Variants in LSAMP observed in about 807,000 individuals in gnomAD.
LSAMP encodes limbic system-associated membrane protein.
In LSAMP, 7 loss-of-function variants were observed where a neutral mutation model predicts 38.6. The observed-to-expected ratio is 0.18, with a 90% CI of 0.10 to 0.34. LSAMP has a LOEUF of 0.34. Ranked by LOEUF, LSAMP falls within the 10% of genes least tolerant of loss-of-function variation. The probability of loss-of-function intolerance (pLI) is 1.00; values close to 1 mark genes in which losing one functional copy is unlikely to be tolerated. For missense variants in LSAMP, 313 were observed against 420.0 expected (o/e 0.75, Z 2.23); for synonymous variants, 154 against 166.8 (o/e 0.92, Z 0.59).
At chr3:116,153,739 C>G (rs999459505) in intron 1 of LSAMP, among the ~76,000 whole-genome samples, 8 of 152,052 alleles carry the variant, frequency 5.3e-5, no homozygotes, top group African/African-American at 1.2e-4. Flanking sequence ...TTGGCTTTCA[C>G]TTAAGCTTAA....
At chr3:116,349,293 A>G (rs531298216) in intron 1 of LSAMP, among the ~76,000 whole-genome samples, 2 of 152,170 alleles carry the variant, frequency 1.3e-5, no homozygotes, top group East Asian at 3.9e-4. Flanking sequence ...ATATTAGAAT[A>G]ATTAAGTATG....
At chr3:116,286,891 T>TA (rs79705073) in intron 1 of LSAMP, among the ~76,000 whole-genome samples, 6,004 of 133,726 alleles carry the variant, frequency 0.045, 153 homozygotes, top group Middle Eastern at 0.082. Context: ...TCTCTCAAGT[T>TA]AAAAAAAAAA....
At chr3:115,998,713 TA>T (rs1939899632) in intron 3 of LSAMP, among the ~76,000 whole-genome samples, 1 of 152,144 alleles carries the variant, frequency 6.6e-6, no homozygotes, top group East Asian at 1.9e-4. Flanking sequence ...TCGTTTTACT[TA>T]TTAAAAACAT....
At chr3:115,833,713 T>G (rs577902937) in intron 6 of LSAMP, among the ~76,000 whole-genome samples, 13 of 152,284 alleles carry the variant, frequency 8.5e-5, no homozygotes, top group African/African-American at 3.1e-4. Context: ...CTTGCTTAAT[T>G]GGATTTATTT....
chr3:116,375,544 T>C (rs1164431560), intron 1 of LSAMP, among the ~76,000 whole-genome samples: 1 of 151,916 alleles, frequency 6.6e-6, no homozygotes, highest in Admixed American at 6.6e-5. Context: ...ATGCTTGAGT[T>C]TGGTTTTATG....
At chr3:116,358,393 G>T (rs2107775133) in intron 1 of LSAMP, among the ~76,000 whole-genome samples, 1 of 152,230 alleles carries the variant, frequency 6.6e-6, no homozygotes, top group African/African-American at 2.4e-5. Flanking sequence ...GGATATAGGG[G>T]AGTTGCTGGA....
intron 1 of LSAMP, among the ~76,000 whole-genome samples, chr3:116,190,715 T>C (rs1243707851): frequency 2.0e-5 from 3 of 152,206 alleles, no homozygotes; most frequent in African/African-American, 7.2e-5. Flanking sequence ...TAACAAGCCT[T>C]CTTAGCCACC....
intron 2 of LSAMP, among the ~76,000 whole-genome samples, chr3:116,069,703 C>A (rs988713817): frequency 1.7e-4 from 26 of 152,038 alleles, no homozygotes; most frequent in African/African-American, 6.3e-4. Context: ...TCAGGGAGAT[C>A]AATTGTGCCA....
intron 1 of LSAMP, among the ~76,000 whole-genome samples, chr3:116,434,753 C>T (rs2049325085): frequency 6.6e-6 from 1 of 152,058 alleles, no homozygotes; most frequent in Non-Finnish European, 1.5e-5. Context: ...GGTGCCACCA[C>T]ATTGGCCAGG....
intron 1 of LSAMP, among the ~76,000 whole-genome samples, chr3:116,108,167 G>T (rs1007673687): frequency 6.6e-6 from 1 of 152,170 alleles, no homozygotes; most frequent in African/African-American, 2.4e-5. Context: ...ATGGATTAAG[G>T]TGGGGGAATA....
chr3:116,051,525 C>T (rs1008405509), intron 2 of LSAMP, among the ~76,000 whole-genome samples: 1 of 152,114 alleles, frequency 6.6e-6, no homozygotes, highest in Non-Finnish European at 1.5e-5. Flanking sequence ...AAGAATGTCA[C>T]CTTCCAGCTC....
At chr3:116,441,646 G>C (rs374490490) in intron 1 of LSAMP, among the ~76,000 whole-genome samples, 24 of 152,186 alleles carry the variant, frequency 1.6e-4, no homozygotes, top group South Asian at 1.4e-3. Flanking sequence ...GGGTAGGAGG[G>C]AAGAAACAGT....
chr3:115,964,530 G>A (rs1938734192), intron 3 of LSAMP, among the ~76,000 whole-genome samples: 1 of 152,140 alleles, frequency 6.6e-6, no homozygotes, highest in Non-Finnish European at 1.5e-5. Context: ...TTCAGCATTT[G>A]GCTGGTGTTT....
intron 3 of LSAMP, among the ~76,000 whole-genome samples, chr3:115,861,554 G>T (rs1935703110): frequency 1.3e-5 from 2 of 152,228 alleles, no homozygotes; most frequent in South Asian, 4.1e-4. Flanking sequence ...CCTGTACACA[G>T]ACCCTCACCT....
At chr3:115,995,468 C>G (rs1484765947) in intron 3 of LSAMP, among the ~76,000 whole-genome samples, 2 of 152,044 alleles carry the variant, frequency 1.3e-5, no homozygotes, top group Non-Finnish European at 2.9e-5. Flanking sequence ...GATAATTATT[C>G]TATATCACAG....
intron 1 of LSAMP, among the ~76,000 whole-genome samples, chr3:116,436,666 G>T (rs998992887): frequency 1.3e-5 from 2 of 152,070 alleles, no homozygotes; most frequent in African/African-American, 2.4e-5. Flanking sequence ...CATACTCAAA[G>T]AATCAAAACA....
chr3:115,973,734 C>T (rs1325029324), intron 3 of LSAMP, among the ~76,000 whole-genome samples: 1 of 142,740 alleles, frequency 7.0e-6, no homozygotes, highest in Non-Finnish European at 1.5e-5. Context: ...AACTCCAACT[C>T]AAAAAAAAAA....
At chr3:115,957,703 T>C (rs1039759234) in intron 3 of LSAMP, among the ~76,000 whole-genome samples, 2 of 152,212 alleles carry the variant, frequency 1.3e-5, no homozygotes, top group Admixed American at 1.3e-4. Flanking sequence ...TGCTTCCATC[T>C]CAAAGCTCTG....
rs545260191 is a variant in LSAMP, at chr3:116,351,649, G to A, written c.155+93228C>T. The stretch of plus-strand genomic sequence containing the variant: ...CACTGGAAACTACAGAATGGATGGC[G>A]GTGATGAACTAATTAAATGAATAGA... On this transcript the variant is annotated intron_variant, in intron 1 of 6. Transcript: ENST00000490035. 5.7e-4 allele frequency among the ~76,000 whole-genome samples: 87 copies of A among 152,126 alleles called. No individual in the cohort carries two copies. The South Asian group carries it at 0.016, about 29-fold the overall frequency.
Sources: allele counts gnomAD v4.1 joint callset (sites outside exome capture counted in the v4.1 genomes callset), GRCh38; gene constraint gnomAD v4.1.1; transcripts MANE v1.5; gene names NCBI Gene and HGNC (gene_info 2026-07-23, HGNC 2026-07-21).